CNTN4: variants seen among roughly 807,000 people sequenced by gnomAD.
The protein encoded by CNTN4 is contactin 4, also known as contactin-4.
In CNTN4, 77 loss-of-function variants were observed where a neutral mutation model predicts 122.5. That is an observed-to-expected ratio of 0.63 (90% confidence interval 0.52 to 0.76). The LOEUF (loss-of-function observed/expected upper bound fraction) is 0.76, where lower values mean the gene tolerates loss of function less well. Among genes scored for constraint, CNTN4 ranks in the 30% least tolerant of loss-of-function variants. The pLI, the probability that CNTN4 is intolerant of heterozygous loss-of-function variation, is 0.00. For synonymous variants in CNTN4, 512 were observed against 447.0 expected, an observed-to-expected ratio of 1.15 and a Z score of -1.83; for missense variants, 1,256 against 1,259.1, an observed-to-expected ratio of 1.00 and a Z score of 0.04.
At chr3:2,209,704 G>A (rs992969111) in intron 2 of CNTN4, among the ~76,000 whole-genome samples, 3 of 152,114 alleles carry the variant, frequency 2.0e-5, no homozygotes, top group Non-Finnish European at 4.4e-5. Context: ...GCTTGATTTT[G>A]TAGTAGCTCT....
chr3:2,364,083 C>T (rs78855722), intron 3 of CNTN4, among the ~76,000 whole-genome samples: 115 of 152,118 alleles, frequency 7.6e-4, no homozygotes, highest in African/African-American at 2.4e-3. Context: ...AATATGACTC[C>T]TTAACCTTGT....
intron 6 of CNTN4, among the ~76,000 whole-genome samples, chr3:2,770,709 G>A (rs2091059900): frequency 6.6e-6 from 1 of 152,230 alleles, no homozygotes; most frequent in Non-Finnish European, 1.5e-5. Context: ...AAATCTAAGT[G>A]TCATGTGGCT....
At chr3:2,260,292 C>T (rs1462740327) in intron 2 of CNTN4, among the ~76,000 whole-genome samples, 4 of 152,078 alleles carry the variant, frequency 2.6e-5, no homozygotes, top group Admixed American at 2.6e-4. Flanking sequence ...ATGGCCTCTA[C>T]CCTGTAGCAC....
intron 4 of CNTN4, chr3:2,629,718 T>G: frequency 3.0e-6 from 1 of 327,872 alleles, no homozygotes; most frequent in Non-Finnish European, 6.0e-6. Context: ...CAAAATCGGT[T>G]GACTGTATAA....
chr3:2,684,425 T>A (rs1476067599), intron 4 of CNTN4, among the ~76,000 whole-genome samples: 17 of 152,186 alleles, frequency 1.1e-4, no homozygotes, highest in Admixed American at 1.1e-3. Context: ...CAAAGTGGTA[T>A]AAAATGCTTT....
chr3:2,788,556 A>T (rs550628363), intron 6 of CNTN4, among the ~76,000 whole-genome samples: 1 of 152,354 alleles, frequency 6.6e-6, no homozygotes, highest in Non-Finnish European at 1.5e-5. Context: ...AAATACTATT[A>T]TTTGGCTAAG....
intron 17 of CNTN4, among the ~76,000 whole-genome samples, chr3:3,036,088 T>A (rs1699579736): frequency 1.3e-5 from 2 of 152,320 alleles, no homozygotes; most frequent in Non-Finnish European, 1.5e-5. Flanking sequence ...CCAAATTGAC[T>A]CATTTTCTTA....
chr3:2,510,691 G>A (rs2076861854), intron 3 of CNTN4, among the ~76,000 whole-genome samples: 1 of 152,156 alleles, frequency 6.6e-6, no homozygotes, highest in Admixed American at 6.5e-5. Flanking sequence ...AAAAGCGTGT[G>A]TGGCAAGGTT....
Position 3,040,068 on chromosome 3 carries a change from G to A in CNTN4, c.2195G>A (p.Gly732Asp), listed in dbSNP as rs770730228. The A allele has an allele frequency of 3.7e-6, 6 of 1,614,056 alleles. No homozygotes were observed. The highest frequency in any genetic ancestry group is 1.1e-5 in the South Asian group (1 of 91,080). ...CCTGAGGAATTACAGAATGGTCGAG[G>A]CTTTGGTTATGTGGTGGCCTTCCGG... is the stretch of plus-strand genomic sequence containing the variant. ...TVPEELQNGR[G>D]FGYVVAFRPY... The change falls in exon 20 of 25, where the codon GGC becomes GAC. Residue 732 changes from glycine to aspartate, a missense_variant. Physicochemically the swap from Gly to Asp is moderately conservative, Grantham distance 94. Coordinates refer to ENST00000418658, the MANE Select transcript of CNTN4 (RefSeq NM_175607.3).
chr3:2,764,571 G>A (rs2090753467), intron 6 of CNTN4, among the ~76,000 whole-genome samples: 2 of 152,268 alleles, frequency 1.3e-5, no homozygotes, highest in African/African-American at 4.8e-5. Flanking sequence ...TTTAGCTCAA[G>A]ATTTACTGAG....
intron 2 of CNTN4, among the ~76,000 whole-genome samples, chr3:2,140,628 T>C (rs969953395): frequency 3.9e-5 from 6 of 152,114 alleles, no homozygotes; most frequent in Non-Finnish European, 8.8e-5. Flanking sequence ...AAGCCCCAAC[T>C]CCTAATAGCA....
intron 7 of CNTN4, among the ~76,000 whole-genome samples, chr3:2,843,986 A>G (rs1056116208): frequency 4.6e-5 from 7 of 151,990 alleles, no homozygotes; most frequent in Non-Finnish European, 8.8e-5. Context: ...GCCCCCATAA[A>G]CTGGCCCCTG....
chr3:2,664,378 G>T (rs556764676), intron 4 of CNTN4, among the ~76,000 whole-genome samples: 15 of 151,876 alleles, frequency 9.9e-5, no homozygotes, highest in South Asian at 2.1e-4. Flanking sequence ...ATTTGCAGAT[G>T]GTCACATTCT....
chr3:2,627,684 G>GTA (rs2082257238), intron 4 of CNTN4, among the ~76,000 whole-genome samples: 1 of 151,690 alleles, frequency 6.6e-6, no homozygotes, highest in Admixed American at 6.6e-5. Context: ...TAGTAGAGAC[G>GTA]GGGTTTCACC....
chr3:2,983,691 C>T (rs898064429), intron 13 of CNTN4, among the ~76,000 whole-genome samples: 1 of 152,180 alleles, frequency 6.6e-6, no homozygotes, highest in African/African-American at 2.4e-5. Context: ...TTAACTTTCC[C>T]AAAGTCACAC....
intron 13 of CNTN4, among the ~76,000 whole-genome samples, chr3:2,955,366 C>T (rs943589469): frequency 9.9e-5 from 15 of 152,144 alleles, no homozygotes; most frequent in African/African-American, 3.6e-4. Flanking sequence ...TTTATTAGGC[C>T]TTTTCTGATT....
intron 2 of CNTN4, among the ~76,000 whole-genome samples, chr3:2,282,080 T>A (rs1359163725): frequency 6.6e-6 from 1 of 152,294 alleles, no homozygotes; most frequent in African/African-American, 2.4e-5. Context: ...AGTTTATTAC[T>A]ATGTGGAAGC....
intron 4 of CNTN4, among the ~76,000 whole-genome samples, chr3:2,609,582 T>C (rs115716601): frequency 2.0e-5 from 3 of 152,192 alleles, no homozygotes; most frequent in Non-Finnish European, 4.4e-5. Flanking sequence ...AAGCATTATG[T>C]TCAGTAGGAT....
Position 2,483,657 on chromosome 3 carries a change from G to C in CNTN4, c.-88-87759G>C, listed in dbSNP as rs568738105. ...CAATGCTGTTCTCATGATAGTGAGTGAGTTCTCATGAGATCTGATGGTTTT... is the reference window on the plus strand; with the variant it reads ...CAATGCTGTTCTCATGATAGTGAGTCAGTTCTCATGAGATCTGATGGTTTT... On this transcript the variant is annotated intron_variant, in intron 3 of 24. Transcript: ENST00000418658. Among the ~76,000 whole-genome samples the C allele has an allele frequency of 7.2e-5, 11 of 152,280 alleles. No individual in the cohort carries two copies. In the South Asian group the frequency reaches 2.3e-3, roughly 32 times the overall value.
Sources: allele counts gnomAD v4.1 joint callset (sites outside exome capture counted in the v4.1 genomes callset), GRCh38; gene constraint gnomAD v4.1.1; transcripts MANE v1.5; gene names NCBI Gene and HGNC (gene_info 2026-07-23, HGNC 2026-07-21).